SLC2A9: variants seen among roughly 807,000 people sequenced by gnomAD.
SLC2A9 encodes the protein solute carrier family 2 member 9.
A neutral mutation model predicts 50.6 loss-of-function variants in SLC2A9; 39 were observed. The ratio of observed to expected loss-of-function variants is 0.77; its 90% CI spans 0.60 to 1.01. SLC2A9 has a LOEUF of 1.01. Ranked by LOEUF, SLC2A9 falls within the 50% of genes least tolerant of loss-of-function variation. The probability of loss-of-function intolerance (pLI) is 0.00; values close to 1 mark genes in which losing one functional copy is unlikely to be tolerated. For synonymous variants in SLC2A9, 324 were observed against 276.9 expected (o/e 1.17, Z -1.69); for missense variants, 686 against 677.6 (o/e 1.01, Z -0.14).
At chr4:9,876,963 T>C (rs901239818) in intron 10 of SLC2A9, among the ~76,000 whole-genome samples, 6 of 152,252 alleles carry the variant, frequency 3.9e-5, no homozygotes, top group Non-Finnish European at 8.8e-5. Flanking sequence ...ATTATGACTA[T>C]ATGCCAAGTT....
chr4:9,843,075 A>G (rs749904171), intron 10 of SLC2A9, among the ~76,000 whole-genome samples: 1 of 152,162 alleles, frequency 6.6e-6, no homozygotes, highest in Non-Finnish European at 1.5e-5. Flanking sequence ...ACCATGTCTC[A>G]TCAGTCACTC....
intron 5 of SLC2A9, among the ~76,000 whole-genome samples, chr4:9,967,496 T>C (rs757401125): frequency 5.3e-5 from 8 of 151,992 alleles, no homozygotes; most frequent in Non-Finnish European, 1.2e-4. Flanking sequence ...GATTTCTGCA[T>C]ATAATTCTTT....
intron 3 of SLC2A9, among the ~76,000 whole-genome samples, chr4:9,803,190 A>T (rs1336011956): frequency 6.6e-6 from 1 of 152,208 alleles, no homozygotes; most frequent in Non-Finnish European, 1.5e-5. Context: ...CTATTAAATA[A>T]GGCTAATAAC....
At chr4:9,963,513 G>A (rs1053828110) in intron 5 of SLC2A9, among the ~76,000 whole-genome samples, 1 of 152,196 alleles carries the variant, frequency 6.6e-6, no homozygotes, top group African/African-American at 2.4e-5. Context: ...AGGGAAAGGT[G>A]GACACGCGGA....
At chr4:9,976,757 G>A (rs1481836671) in intron 5 of SLC2A9, among the ~76,000 whole-genome samples, 2 of 152,198 alleles carry the variant, frequency 1.3e-5, no homozygotes, top group Non-Finnish European at 2.9e-5. Flanking sequence ...CATGAGCCCT[G>A]TTCCTGGGAG....
chr4:9,947,924 A>G (rs1284981907), intron 5 of SLC2A9, among the ~76,000 whole-genome samples: 1 of 152,126 alleles, frequency 6.6e-6, no homozygotes, highest in Non-Finnish European at 1.5e-5. Flanking sequence ...GTGGTCCTGC[A>G]TGGCGTGGTA....
At chr4:9,862,708 G>A (rs930440833) in intron 10 of SLC2A9, among the ~76,000 whole-genome samples, 11 of 151,864 alleles carry the variant, frequency 7.2e-5, no homozygotes, top group Admixed American at 5.9e-4. Flanking sequence ...AGCTTCTCAC[G>A]GAGGCCCTTC....
chr4:9,979,954 C>G (rs143274392), intron 5 of SLC2A9, among the ~76,000 whole-genome samples: 211 of 150,306 alleles, frequency 1.4e-3, no homozygotes, highest in African/African-American at 4.8e-3. Context: ...CCTGCTTACC[C>G]TTCAGGAGTC....
At chr4:9,830,568 T>C (rs1725958775) in intron 11 of SLC2A9, among the ~76,000 whole-genome samples, 1 of 152,242 alleles carries the variant, frequency 6.6e-6, no homozygotes, top group African/African-American at 2.4e-5. Flanking sequence ...TGACTAGTCC[T>C]GCCCGTCTCA....
intron 6 of SLC2A9, among the ~76,000 whole-genome samples, chr4:9,928,912 G>T (rs1745391901): frequency 6.6e-6 from 1 of 152,198 alleles, no homozygotes. Flanking sequence ...TTACTACTCA[G>T]CAAGGACAGT....
intron 5 of SLC2A9, among the ~76,000 whole-genome samples, chr4:9,954,024 G>T (rs750622178): frequency 2.0e-5 from 3 of 152,000 alleles, no homozygotes; most frequent in Non-Finnish European, 2.9e-5. Flanking sequence ...GGTCAGGCTG[G>T]TCTCTGACTC....
rs552608666 is a variant in SLC2A9, at chr4:9,957,966, C to T, written c.682-15921G>A. Among the ~76,000 whole-genome samples, 3 of 152,096 alleles carry T rather than the reference C, an allele frequency of 2.0e-5. No homozygotes were observed. In the South Asian group the frequency reaches 6.2e-4, roughly 32 times the overall value. ...CACAACTGAAGAGAAAGATTCTCAC[C>T]TATGGAAGTAATCATACAATTTCAA... On this transcript the variant is annotated intron_variant, in intron 5 of 11. Transcript: ENST00000264784.
rs1756595069 is a variant in SLC2A9, at chr4:9,985,728, A to G, written c.476T>C (p.Leu159Pro). ...ISAALLMACSLQAGAFEMLIV... is the reference protein window; with the variant it reads ...ISAALLMACSPQAGAFEMLIV... The stretch of plus-strand genomic sequence containing the variant: ...GAGCATTTCAAAGGCTCCTGCCTGG[A>G]GCGAGCAGGCCATCAGCAATGCAGC... Residue 159 changes from leucine (L) to proline (P), a missense_variant, in exon 4 of 12, where the codon CTC (leucine) becomes CCC (proline). Leu to Pro is a moderately conservative substitution (Grantham distance 98). Transcript: ENST00000264784. The G allele has an allele frequency of 1.2e-6, 2 of 1,614,064 alleles. No homozygotes were observed. The highest frequency in any genetic ancestry group is 1.7e-6 in the Non-Finnish European group (2 of 1,179,880).
At chr4:9,932,636 G>A (rs1406361102) in intron 6 of SLC2A9, among the ~76,000 whole-genome samples, 2 of 152,210 alleles carry the variant, frequency 1.3e-5, no homozygotes, top group Non-Finnish European at 2.9e-5. Flanking sequence ...AGACATCTGG[G>A]GAAAGAGCCT....
chr4:9,955,561 C>T (rs990470864), intron 5 of SLC2A9, among the ~76,000 whole-genome samples: 1 of 151,604 alleles, frequency 6.6e-6, no homozygotes, highest in African/African-American at 2.4e-5. Flanking sequence ...TCTCTCAAGT[C>T]GCTCCCTTGG....
At chr4:9,985,599 C>T (rs777102672) in intron 4 of SLC2A9, 70 bp downstream of exon 4, 21 of 1,598,688 alleles carry the variant, frequency 1.3e-5, no homozygotes, top group Non-Finnish European at 1.6e-5. Flanking sequence ...CAGCCCCAAA[C>T]ACTTCTCACA....
chr4:9,814,480 C>G (rs1723305031), intron 3 of SLC2A9, among the ~76,000 whole-genome samples: 1 of 152,178 alleles, frequency 6.6e-6, no homozygotes, highest in South Asian at 2.1e-4. Context: ...TAGTAGCCAT[C>G]TATTGCTGTT....
chr4:9,771,243 A>T (rs1005582763), exon 2 of SLC2A9: 1 of 369,088 alleles, frequency 2.7e-6, no homozygotes, highest in Non-Finnish European at 4.8e-6. Context: ...AACCTCAGTG[A>T]CAGTGCAGAA....
At chr4:9,815,907 C>T (rs147969352) in intron 3 of SLC2A9, among the ~76,000 whole-genome samples, 151 of 152,290 alleles carry the variant, frequency 9.9e-4, no homozygotes, top group African/African-American at 3.5e-3. Flanking sequence ...CGGTAGTTCA[C>T]GCCTGTAATC....
Sources: allele counts gnomAD v4.1 joint callset (sites outside exome capture counted in the v4.1 genomes callset), GRCh38; gene constraint gnomAD v4.1.1; transcripts MANE v1.5; gene names NCBI Gene and HGNC (gene_info 2026-07-23, HGNC 2026-07-21).